Variants in CROCC2 observed in about 807,000 individuals in gnomAD.
CROCC2 encodes ciliary rootlet coiled-coil, rootletin family member 2.
A neutral mutation model predicts 177.6 loss-of-function variants in CROCC2; 163 were observed. That is an observed-to-expected ratio of 0.92 (90% CI 0.81 to 1.05). CROCC2 has a LOEUF of 1.05. CROCC2 is among the 50% of genes least tolerant of loss of function. CROCC2 has a pLI of 0.00. For synonymous variants in CROCC2, 904 were observed against 787.3 expected, an observed-to-expected ratio of 1.15 and a Z score of -2.48; for missense variants, 1,929 against 1,797.8, an observed-to-expected ratio of 1.07 and a Z score of -1.32.
At position 240,935,541 on chromosome 2, in the gene CROCC2, G is replaced by A; in HGVS notation, c.2122G>A (p.Ala708Thr). Reference sequence around the variant, plus strand: ...GCAGGAGCAGCTGGAGGGGCAGGCAGCCCTGCTGGGGCGAGAGAAGGCCCA... The same window carrying A: ...GCAGGAGCAGCTGGAGGGGCAGGCAACCCTGCTGGGGCGAGAGAAGGCCCA... Reference protein sequence around the residue: ...QRQEQLEGQAALLGREKAQLQ... With the variant: ...QRQEQLEGQATLLGREKAQLQ... The change falls in exon 14 of 32, where the codon GCC becomes ACC. Residue 708 changes from alanine to threonine, a missense_variant. Ala to Thr is a moderately conservative substitution (Grantham distance 58). This residue lies in a region of CROCC2 where 1,397 missense variants were observed against 1,239.9 expected (regional missense o/e 1.13). Transcript: ENST00000690015. 1 of 1,348,610 alleles carries A rather than the reference G, an allele frequency of 7.4e-7. No individual in the cohort carries two copies. The highest frequency in any genetic ancestry group is 1.8e-5 in the South Asian group (1 of 54,128). The allele number at this position is 1,348,610 out of a possible 1,614,324, so 83.5% of individuals were successfully genotyped here. A position where few individuals can be genotyped will look rare whatever the true frequency, so the allele number is the denominator to read the frequency against.
At chr2:240,936,696 G>A (rs2059473292) in intron 14 of CROCC2, among the ~76,000 whole-genome samples, 1 of 152,184 alleles carries the variant, frequency 6.6e-6, no homozygotes, top group Non-Finnish European at 1.5e-5. Flanking sequence ...ATATCACTGG[G>A]ACCAGCACCC....
At chr2:240,915,483 A>G (rs531606310) in intron 1 of CROCC2, among the ~76,000 whole-genome samples, 1 of 152,308 alleles carries the variant, frequency 6.6e-6, no homozygotes, top group African/African-American at 2.4e-5. Flanking sequence ...GAGGGCCTGG[A>G]TGGCCAACGC....
chr2:240,949,247 C>T lies in CROCC2; in HGVS notation c.2482+150C>T. The stretch of plus-strand genomic sequence containing the variant: ...GCTTGGAGCTCATGCGACTGAGCGA[C>T]TTGGGCCACCCTCGCCCATGAGGAG... On this transcript the variant is annotated intron_variant, in intron 16 of 31. Transcript: ENST00000690015. This position sits in a 1 kb window ranked among gnomAD's most constrained non-coding sequence, Gnocchi z 4.5. 2 of 1,408,248 alleles carry T rather than the reference C, an allele frequency of 1.4e-6. No individual in the cohort carries two copies. The highest frequency in any genetic ancestry group is 2.5e-5 in the East Asian group (1 of 39,810). 87.2% of individuals were successfully genotyped at this position (1,408,248 alleles called of 1,614,324 possible). A position where few individuals can be genotyped will look rare whatever the true frequency, so the allele number is the denominator to read the frequency against.
rs749938742 is a variant in CROCC2, at chr2:240,933,665, C to G, written c.1464-5C>G. On this transcript the variant is annotated splice_region_variant and splice_polypyrimidine_tract_variant and intron_variant, in intron 10 of 31. Transcript: ENST00000690015. ...CCGCCCCAACTCTGCCCCCACCATCCCCAGGGAGAAGGCTGCTCTGGAGAT... is the reference window on the plus strand; with the variant it reads ...CCGCCCCAACTCTGCCCCCACCATCGCCAGGGAGAAGGCTGCTCTGGAGAT... The G allele has an allele frequency of 1.7e-5, 27 of 1,549,750 alleles. No individual in the cohort carries two copies. In the South Asian group the frequency reaches 2.9e-4, roughly 16 times the overall value.
At chr2:240,926,711 G>A (rs1220652840) in intron 5 of CROCC2, among the ~76,000 whole-genome samples, 2 of 152,206 alleles carry the variant, frequency 1.3e-5, no homozygotes, top group Non-Finnish European at 2.9e-5. Flanking sequence ...GCCGCCACTC[G>A]CCCCCGAGGT....
At chr2:240,920,170 G>GCAGCAGAC (rs2059349612) in intron 3 of CROCC2, 36 bp downstream of exon 3, 4 of 621,210 alleles carry the variant, frequency 6.4e-6, no homozygotes, top group Non-Finnish European at 1.2e-5. Flanking sequence ...CAGGCGGGAG[G>GCAGCAGAC]TGGCAGCCTG....
At chr2:240,922,666 G>A in intron 4 of CROCC2, 21 bp downstream of exon 4, 1 of 581,074 alleles carries the variant, frequency 1.7e-6, no homozygotes, top group Middle Eastern at 2.7e-4. Flanking sequence ...GTGCGGGGCA[G>A]TCAGGGCTGC....
chr2:240,962,044 G>T (rs1406542381), intron 20 of CROCC2, among the ~76,000 whole-genome samples: 116 of 121,772 alleles, frequency 9.5e-4, no homozygotes, highest in African/African-American at 3.6e-3. Context: ...GCACACACGC[G>T]CACACACATA....
In CROCC2 at chr2:240,918,596, C is replaced by T; in HGVS notation, c.79-130C>T. ...GCCTGAGTGACCTGCCCAGCCTCAC[C>T]CTGTCCTCTCCAGGGCACTCTGCTG... On this transcript the variant is annotated intron_variant, in intron 1 of 31. Transcript: ENST00000690015. This position sits in a 1 kb window ranked among gnomAD's most constrained non-coding sequence, Gnocchi z 6.3. The T allele has an allele frequency of 4.4e-6, 2 of 453,836 alleles. No homozygotes were observed. The highest frequency in any genetic ancestry group is 7.7e-6 in the Non-Finnish European group (2 of 258,606). 28.1% of individuals were successfully genotyped at this position (453,836 alleles called of 1,614,324 possible). A position where few individuals can be genotyped will look rare whatever the true frequency, so the allele number is the denominator to read the frequency against.
intron 20 of CROCC2, among the ~76,000 whole-genome samples, chr2:240,962,039 CACGCGCACACACAT>C (rs1559606613): frequency 2.1e-5 from 3 of 142,434 alleles, no homozygotes; most frequent in African/African-American, 5.4e-5. Context: ...CGCACGCACA[CACGCGCACACACAT>C]ACACTCACAC....
At chr2:240,956,114 C>T in intron 19 of CROCC2, 142 bp downstream of exon 19, 1 of 653,528 alleles carries the variant, frequency 1.5e-6, no homozygotes, top group Non-Finnish European at 2.7e-6. Flanking sequence ...CAGGTGCCTC[C>T]AGGGCTCCTG....
At position 240,940,992 on chromosome 2, in the gene CROCC2, C is replaced by T. The variant is rs147241144; in HGVS notation, c.2170-5068C>T. On this transcript the variant is annotated intron_variant, in intron 14 of 31. Coordinates refer to ENST00000690015, the MANE Select transcript of CROCC2 (RefSeq NM_001351305.2). ...CTGGTAAATGAATTCAGCAAAGTTT[C>T]GGGATACAAAATTAGTGTACACAAA... 4.6e-4 allele frequency among the ~76,000 whole-genome samples: 70 copies of T among 152,242 alleles called. 1 individual carries two copies. In the East Asian group the frequency reaches 0.012, roughly 26 times the overall value.
At chr2:240,930,873 G>A in intron 6 of CROCC2, 58 bp from the exon 7 acceptor site, 1 of 650,718 alleles carries the variant, frequency 1.5e-6, no homozygotes, top group Non-Finnish European at 2.9e-6. Flanking sequence ...GATGGGACCA[G>A]GCCCTCCCTC....
At chr2:240,956,283 G>C (rs925209752) in intron 19 of CROCC2, 4 of 424,682 alleles carry the variant, frequency 9.4e-6, no homozygotes, top group Admixed American at 3.5e-5. Flanking sequence ...CAACAGCAGC[G>C]AGTGGCTGAG....
At chr2:240,975,141 G>C (rs917493534) in intron 27 of CROCC2, among the ~76,000 whole-genome samples, 11 of 152,140 alleles carry the variant, frequency 7.2e-5, no homozygotes, top group African/African-American at 2.7e-4. Flanking sequence ...ATAGATGTTT[G>C]AGATTTTCCA....
rs1348801870 is a variant in CROCC2, at chr2:240,964,635, C to CA, written c.3465+11dup. The CA allele has an allele frequency of 3.2e-6, 5 of 1,547,124 alleles. No individual in the cohort carries two copies. Among genetic ancestry groups the CA allele is most frequent in the Non-Finnish European group, 4.4e-6 (5 of 1,145,290 alleles). Reference sequence around the variant, plus strand: ...GGAACTCCACAGACAGGTAGGGCGGCAGGGAGGGGTCAACATCCAACCAGG... The same window carrying CA: ...GGAACTCCACAGACAGGTAGGGCGGCAAGGGAGGGGTCAACATCCAACCAGG... On this transcript the variant is annotated intron_variant, in intron 22 of 31. Transcript: ENST00000690015.
chr2:240,950,803 C>T (rs2059550281), intron 18 of CROCC2: 1 of 400,866 alleles, frequency 2.5e-6, no homozygotes, highest in Non-Finnish European at 4.5e-6. Context: ...CTCCATCTGT[C>T]CATTCATACA....
chr2:240,957,869 TG>T, intron 19 of CROCC2: 1 of 611,554 alleles, frequency 1.6e-6, no homozygotes, highest in Non-Finnish European at 2.0e-6. Flanking sequence ...TCCCGACCAC[TG>T]GCCCAGCAGC....
chr2:240,968,361 G>C, intron 27 of CROCC2, 99 bp downstream of exon 27: 4 of 1,374,890 alleles, frequency 2.9e-6, no homozygotes, highest in Non-Finnish European at 3.8e-6. Context: ...CGGGAGGTGG[G>C]AGAGAGGGGT....
Sources: gnomAD v4.1 joint callset for allele counts (sites outside exome capture counted in the v4.1 genomes callset) on GRCh38, gnomAD v4.1.1 for gene constraint, gnomAD v4.1.1 regional missense constraint, Gnocchi (gnomAD v3.1) non-coding constraint, MANE v1.5 for transcripts, NCBI Gene and HGNC (gene_info 2026-07-23, HGNC 2026-07-21) for gene names.